ITPR3: variants seen among roughly 807,000 people sequenced by gnomAD.
ITPR3 encodes the protein inositol 1,4,5-trisphosphate-gated calcium channel ITPR3.
A neutral mutation model predicts 293.2 loss-of-function variants in ITPR3; 173 were observed. The observed-to-expected ratio is 0.59, with a 90% CI of 0.52 to 0.67. The LOEUF is 0.67. Ranked by LOEUF, ITPR3 falls within the 30% of genes least tolerant of loss-of-function variation. The pLI is 0.00. For missense variants in ITPR3, 2,796 were observed against 3,592.1 expected, an observed-to-expected ratio of 0.78 and a Z score of 5.66; for synonymous variants, 1,295 against 1,444.4, an observed-to-expected ratio of 0.90 and a Z score of 2.35.
At position 33,688,773 on chromosome 6, in the gene ITPR3, C is replaced by CGT. The variant is rs748570312; in HGVS notation, c.6687_6688dup (p.Ser2230CysfsTer62). 6 of 1,614,164 alleles carry CGT rather than the reference C, an allele frequency of 3.7e-6. 1 individual carries two copies. The highest frequency in any genetic ancestry group is 4.2e-6 in the Non-Finnish European group (5 of 1,180,004). Reference sequence around the variant, plus strand: ...TTCTTCTACCCTTACATGGAGGGCGCGTCCACAGGTGAGAACACAGGGCTG... The same window carrying CGT: ...TTCTTCTACCCTTACATGGAGGGCGCGTGTCCACAGGTGAGAACACAGGGCTG... On this transcript the variant is annotated frameshift_variant, in exon 49 of 58. Transcript: ENST00000605930. LOFTEE classifies it high-confidence loss of function.
chr6:33,628,135 G>A (rs1763591601), intron 1 of ITPR3, among the ~76,000 whole-genome samples: 1 of 152,222 alleles, frequency 6.6e-6, no homozygotes, highest in African/African-American at 2.4e-5. Flanking sequence ...CCAGCTTTCT[G>A]TTTTCAGCTT....
chr6:33,636,485 G>A (rs1763826884), intron 1 of ITPR3, among the ~76,000 whole-genome samples: 1 of 152,028 alleles, frequency 6.6e-6, no homozygotes, highest in South Asian at 2.1e-4. Context: ...ACCTGACTGT[G>A]TATTTTGAAG....
rs768041868 is a variant in ITPR3 at position 33,673,705 on chromosome 6, G to A, written c.3043G>A (p.Ala1015Thr). ...QDSGADGTAP[A>T]FDSTTANMNL... ...CAGTGGGGCTGATGGCACAGCCCCT[G>A]CCTTCGACTCTACCAGTAAGCCCCT... Residue 1015 changes from alanine to threonine, a missense_variant, in exon 23 of 58, where the codon GCC becomes ACC. This residue lies in a region of ITPR3 where 955 missense variants were observed against 1,180.8 expected (regional missense o/e 0.81). Coordinates refer to ENST00000605930, the MANE Select transcript of ITPR3 (RefSeq NM_002224.4). 2 of 1,614,142 alleles carry A rather than the reference G, an allele frequency of 1.2e-6. No homozygotes were observed. The highest frequency in any genetic ancestry group is 2.2e-5 in the East Asian group (1 of 44,890).
intron 50 of ITPR3, among the ~76,000 whole-genome samples, 167 bp from the exon 51 acceptor site, chr6:33,689,867 C>T (rs922606196): frequency 6.6e-6 from 1 of 152,202 alleles, no homozygotes; most frequent in Non-Finnish European, 1.5e-5. Flanking sequence ...ACTGAGGACC[C>T]AAGGGGCTGC....
chr6:33,688,643 C>T lies in ITPR3; in HGVS notation c.6569-13C>T, dbSNP rs1765305034. 4.3e-6 allele frequency: 7 copies of T among 1,613,930 alleles called. No homozygotes were observed. Among genetic ancestry groups the T allele is most frequent in the Non-Finnish European group, 5.9e-6 (7 of 1,179,950 alleles). ...AGGGCCCTCCAGCAGCTCACCGTTG[C>T]CCTCCTCTTCAGGCATGCCGCTGAT... is the stretch of plus-strand genomic sequence containing the variant. On this transcript the variant is annotated splice_polypyrimidine_tract_variant and intron_variant, in intron 48 of 57. Transcript: ENST00000605930.
At chr6:33,659,607 C>A in intron 7 of ITPR3, 58 bp downstream of exon 7, 2 of 1,444,430 alleles carry the variant, frequency 1.4e-6, no homozygotes, top group Non-Finnish European at 9.7e-7. Context: ...CCCACCAGGG[C>A]CCTCTTCCTG....
At position 33,687,918 on chromosome 6, in the gene ITPR3, G is replaced by C. The variant is rs1056854573; in HGVS notation, c.6265-139G>C. 1.6e-5 allele frequency: 11 copies of C among 682,972 alleles called. No homozygotes were observed. Among genetic ancestry groups the C allele is most frequent in the Non-Finnish European group, 2.7e-5 (11 of 401,370 alleles). 42.3% of individuals were successfully genotyped at this position (682,972 alleles called of 1,614,324 possible). ...TCAAGGCTCAGTCCTAGTTGGGCTG[G>C]GCTTGGCCTGCTCTGGCTTGGCGGG... On this transcript the variant is annotated intron_variant, in intron 46 of 57. Transcript: ENST00000605930. This position sits in a 1 kb window ranked among gnomAD's most constrained non-coding sequence, Gnocchi z 5.3.
intron 18 of ITPR3, among the ~76,000 whole-genome samples, chr6:33,669,513 C>T (rs903064901): frequency 6.6e-6 from 1 of 152,234 alleles, no homozygotes; most frequent in Non-Finnish European, 1.5e-5. Context: ...ATGGGAATCG[C>T]TTGAACCTGG....
At position 33,658,068 on chromosome 6, in the gene ITPR3, G is replaced by T. The variant is rs1054198146; in HGVS notation, c.369+50G>T. On this transcript the variant is annotated intron_variant, in intron 4 of 57. Coordinates refer to ENST00000605930, the MANE Select transcript of ITPR3 (RefSeq NM_002224.4). The surrounding 1 kb of genome is among the most constrained non-coding windows in gnomAD (Gnocchi z 6.1). ...GCCTGCCCCTCTCCCTGCCTAAGAG[G>T]CTGGGCTGGTGCTGGGTGAGGGCTG... 18 of 1,539,208 alleles carry T rather than the reference G, an allele frequency of 1.2e-5. No individual in the cohort carries two copies. The African/African-American group carries it at 2.2e-4, about 19-fold the overall frequency.
chr6:33,667,179 C>G lies in ITPR3; in HGVS notation c.1602C>G (p.Pro534=), dbSNP rs1264947281. 3.7e-6 allele frequency: 6 copies of G among 1,614,032 alleles called. No individual in the cohort carries two copies. The highest frequency in any genetic ancestry group is 4.2e-6 in the Non-Finnish European group (5 of 1,180,010). Residue 534 remains proline, a synonymous_variant, in exon 15 of 58, where the codon CCC becomes CCG. Coordinates refer to ENST00000605930, the MANE Select transcript of ITPR3 (RefSeq NM_002224.4). This position sits in a 1 kb window ranked among gnomAD's most constrained non-coding sequence, Gnocchi z 4.4. ...APFREKGGEG[P]LVRLEELSDQ... Reference sequence around the variant, plus strand: ...TCCGTGAGAAGGGGGGTGAAGGTCCCCTGGTGCGGCTGGAGGAGCTGTCAG... The same window carrying G: ...TCCGTGAGAAGGGGGGTGAAGGTCCGCTGGTGCGGCTGGAGGAGCTGTCAG...
Position 33,658,763 on chromosome 6 carries a change from A to T in ITPR3, c.463A>T (p.Thr155Ser). ...KNAMRVTLDA[T>S]GNEGSWLFIQ... The stretch of plus-strand genomic sequence containing the variant: ...CGCCATGCGGGTGACTCTGGATGCC[A>T]CAGGCAACGAGGGTTCCTGGCTCTT... The change falls in exon 5 of 58, where the codon ACA (threonine) becomes TCA (serine). Residue 155 changes from threonine to serine, a missense_variant. By Grantham distance (58) the Thr-to-Ser change is moderately conservative (BLOSUM62 1). Around this residue, in one of 8 missense-constraint regions of ITPR3, gnomAD observed 144 missense variants for 230.8 expected, o/e 0.62. Transcript: ENST00000605930. This position sits in a 1 kb window ranked among gnomAD's most constrained non-coding sequence, Gnocchi z 6.1. 1 of 1,614,182 alleles carries T rather than the reference A, an allele frequency of 6.2e-7. No individual in the cohort carries two copies. The highest frequency in any genetic ancestry group is 1.3e-5 in the African/African-American group (1 of 75,056).
intron 1 of ITPR3, among the ~76,000 whole-genome samples, chr6:33,622,153 A>G (rs1375566028): frequency 6.6e-6 from 1 of 151,894 alleles, no homozygotes; most frequent in Non-Finnish European, 1.5e-5. Flanking sequence ...GAGGGGTCGC[A>G]CCTTCTCCTC....
At chr6:33,653,959 G>A (rs1311410678) in intron 2 of ITPR3, among the ~76,000 whole-genome samples, 2 of 152,118 alleles carry the variant, frequency 1.3e-5, no homozygotes, top group Non-Finnish European at 2.9e-5. Flanking sequence ...CCTGAGGGCC[G>A]AGCCGAACCC....
chr6:33,695,739 C>T lies in ITPR3; in HGVS notation c.7975C>T (p.Arg2659Cys), dbSNP rs138851075. ...QMTEQRKRRQRLGFVDVQNCI... is the reference protein window; with the variant it reads ...QMTEQRKRRQCLGFVDVQNCI... ...GACGGAGCAGCGGAAACGCAGGCAACGCCTAGGCTTTGTGGATGTCCAGAA... is the reference window on the plus strand; with the variant it reads ...GACGGAGCAGCGGAAACGCAGGCAATGCCTAGGCTTTGTGGATGTCCAGAA... The change falls in exon 58 of 58, where the codon CGC becomes TGC. Residue 2659 changes from arginine (R) to cysteine (C), a missense_variant. By Grantham distance (180) the Arg-to-Cys change is radical (BLOSUM62 -3). Around this residue, in one of 8 missense-constraint regions of ITPR3, gnomAD observed 568 missense variants for 796.1 expected, o/e 0.71. Transcript: ENST00000605930. The T allele has an allele frequency of 1.5e-5, 24 of 1,614,064 alleles. No individual in the cohort carries two copies. The highest frequency in any genetic ancestry group is 2.7e-5 in the African/African-American group (2 of 74,958).
chr6:33,654,863 C>A lies in ITPR3; in HGVS notation c.161-903C>A, dbSNP rs917325880. Among the ~76,000 whole-genome samples, 2 of 152,194 alleles carry A rather than the reference C, an allele frequency of 1.3e-5. No individual in the cohort carries two copies. Among genetic ancestry groups the A allele is most frequent in the Non-Finnish European group, 2.9e-5 (2 of 68,040 alleles). On this transcript the variant is annotated intron_variant, in intron 2 of 57. Coordinates refer to ENST00000605930, the MANE Select transcript of ITPR3 (RefSeq NM_002224.4). This position sits in a 1 kb window ranked among gnomAD's most constrained non-coding sequence, Gnocchi z 4.1. Reference sequence around the variant, plus strand: ...CAGGCTATTGTCACACAGGCCCAGTCACCCACACCAGCCCCTCACCAGCAC... The same window carrying A: ...CAGGCTATTGTCACACAGGCCCAGTAACCCACACCAGCCCCTCACCAGCAC...
rs1765017309 is a variant in ITPR3 at position 33,679,843 on chromosome 6, G to C, written c.3973-39G>C. On this transcript the variant is annotated intron_variant, in intron 30 of 57. Coordinates refer to ENST00000605930, the MANE Select transcript of ITPR3 (RefSeq NM_002224.4). The surrounding 1 kb of genome is among the most constrained non-coding windows in gnomAD (Gnocchi z 4.2). ...GGAGAGGAGAGCCCAGGGCTTGCTG[G>C]ACCGAGAGAGTGTGACACGTGCCCC... is the stretch of plus-strand genomic sequence containing the variant. 1 of 1,584,928 alleles carries C rather than the reference G, an allele frequency of 6.3e-7. No individual in the cohort carries two copies.
At chr6:33,668,891 G>A (rs1335949711) in intron 17 of ITPR3, 83 bp from the exon 18 acceptor site, 30 of 1,429,498 alleles carry the variant, frequency 2.1e-5, no homozygotes, top group Non-Finnish European at 2.7e-5. Flanking sequence ...GGCTGGCACT[G>A]TGTGGCCGGG....
intron 3 of ITPR3, among the ~76,000 whole-genome samples, chr6:33,656,574 C>T (rs1274146672): frequency 6.6e-6 from 1 of 152,222 alleles, no homozygotes; most frequent in Non-Finnish European, 1.5e-5. Context: ...GTCTCTGACT[C>T]ACCCTGGCTT....
intron 39 of ITPR3, 124 bp downstream of exon 39, chr6:33,685,067 C>A: frequency 8.6e-7 from 1 of 1,157,284 alleles, no homozygotes; most frequent in Non-Finnish European, 1.2e-6. Context: ...TGAGCAGTGG[C>A]TGAGAGGTGA....
Sources: allele counts gnomAD v4.1 joint callset (sites outside exome capture counted in the v4.1 genomes callset), GRCh38; gene constraint gnomAD v4.1.1; regional missense constraint gnomAD v4.1.1; non-coding constraint Gnocchi (gnomAD v3.1); transcripts MANE v1.5; gene names NCBI Gene and HGNC (gene_info 2026-07-23, HGNC 2026-07-21).